WDR70: variants seen among roughly 807,000 people sequenced by gnomAD.
WDR70 encodes the protein WD repeat-containing protein 70.
WDR70 carries 53 observed loss-of-function variants against 88.6 expected under a neutral mutation model. That is an observed-to-expected ratio of 0.60 (90% CI 0.48 to 0.75). The LOEUF (loss-of-function observed/expected upper bound fraction) is 0.75, where lower values mean the gene tolerates loss of function less well. Ranked by LOEUF, WDR70 falls within the 30% of genes least tolerant of loss-of-function variation. WDR70 has a pLI of 0.00. For missense variants in WDR70, 610 were observed against 823.2 expected, an observed-to-expected ratio of 0.74 and a Z score of 3.17; for synonymous variants, 280 against 270.0, an observed-to-expected ratio of 1.04 and a Z score of -0.36.
chr5:37,626,178 T>C (rs1369715170), intron 10 of WDR70, among the ~76,000 whole-genome samples: 1 of 152,148 alleles, frequency 6.6e-6, no homozygotes, highest in Non-Finnish European at 1.5e-5. Context: ...AATACTGAGA[T>C]TGGGAGTCTT....
chr5:37,526,058 G>A (rs1017098958), intron 9 of WDR70, among the ~76,000 whole-genome samples: 3 of 152,158 alleles, frequency 2.0e-5, no homozygotes, highest in East Asian at 3.8e-4. Context: ...AGAGGTACAA[G>A]GAGGAGCTGG....
intron 5 of WDR70, among the ~76,000 whole-genome samples, chr5:37,428,021 T>TC (rs397816960): frequency 2.6e-5 from 4 of 151,438 alleles, no homozygotes; most frequent in East Asian, 1.9e-4. Context: ...TTTTTTTTTT[T>TC]CCCTGCTGTC....
chr5:37,649,352 G>GT (rs1166072131), intron 10 of WDR70, among the ~76,000 whole-genome samples: 1 of 151,484 alleles, frequency 6.6e-6, no homozygotes, highest in Non-Finnish European at 1.5e-5. Context: ...CATTGTGCCT[G>GT]TTTTTATTTA....
At chr5:37,592,957 C>G (rs752487515) in intron 9 of WDR70, among the ~76,000 whole-genome samples, 4 of 152,196 alleles carry the variant, frequency 2.6e-5, no homozygotes, top group Non-Finnish European at 5.9e-5. Context: ...GAGTTCCAGA[C>G]CAGTCTGGGT....
intron 17 of WDR70, among the ~76,000 whole-genome samples, chr5:37,748,285 C>A (rs970263249): frequency 6.6e-6 from 1 of 151,786 alleles, no homozygotes; most frequent in Non-Finnish European, 1.5e-5. Context: ...ACCAATGAAG[C>A]AGAACAGAGT....
chr5:37,549,878 T>C (rs1177181511), intron 9 of WDR70, among the ~76,000 whole-genome samples: 1 of 152,054 alleles, frequency 6.6e-6, no homozygotes, highest in Non-Finnish European at 1.5e-5. Context: ...CTTTTTTTTT[T>C]TTGAGACAGA....
intron 10 of WDR70, among the ~76,000 whole-genome samples, chr5:37,684,732 A>G (rs1054939856): frequency 1.3e-5 from 2 of 152,202 alleles, no homozygotes; most frequent in Non-Finnish European, 2.9e-5. Flanking sequence ...GGGTGGTGTC[A>G]GCAAAAGCAT....
intron 13 of WDR70, among the ~76,000 whole-genome samples, chr5:37,708,787 G>GA (rs1224758214): frequency 6.6e-6 from 1 of 152,164 alleles, no homozygotes; most frequent in Non-Finnish European, 1.5e-5. Flanking sequence ...CAAGTCCTCA[G>GA]AAATGGCTTT....
chr5:37,554,412 G>C (rs975943080), intron 9 of WDR70, among the ~76,000 whole-genome samples: 1 of 152,088 alleles, frequency 6.6e-6, no homozygotes, highest in Non-Finnish European at 1.5e-5. Context: ...GGAAGATGTT[G>C]CTTGGATGAT....
At chr5:37,546,612 T>C (rs992725118) in intron 9 of WDR70, among the ~76,000 whole-genome samples, 11 of 152,146 alleles carry the variant, frequency 7.2e-5, no homozygotes, top group Admixed American at 7.2e-4. Context: ...TCAATTTGAT[T>C]TTAAAATATT....
At position 37,437,960 on chromosome 5, in the gene WDR70, G is replaced by A. The variant is rs778142368; in HGVS notation, c.531G>A (p.Thr177=). ...VHKIPDSHEI[T]LKHGTKTVSA... Reference sequence around the variant, plus strand: ...AGATTCCTGACTCGCATGAGATAACGCTGAAGCATGGCACTAAAACAGTAA... The same window carrying A: ...AGATTCCTGACTCGCATGAGATAACACTGAAGCATGGCACTAAAACAGTAA... The change falls in exon 6 of 18, where the codon ACG becomes ACA. Residue 177 remains threonine, a synonymous_variant. Coordinates refer to ENST00000265107, the MANE Select transcript of WDR70 (RefSeq NM_018034.4). 1.1e-5 allele frequency: 17 copies of A among 1,610,644 alleles called. No homozygotes were observed. Among genetic ancestry groups the A allele is most frequent in the Non-Finnish European group, 1.3e-5 (15 of 1,178,404 alleles).
chr5:37,506,446 T>A, intron 8 of WDR70: 1 of 767,284 alleles, frequency 1.3e-6, no homozygotes, highest in East Asian at 2.4e-5. Flanking sequence ...CTTTGGTCAA[T>A]TAAGAAGGCT....
chr5:37,548,691 G>A (rs556903012), intron 9 of WDR70, among the ~76,000 whole-genome samples: 1 of 152,184 alleles, frequency 6.6e-6, no homozygotes, highest in African/African-American at 2.4e-5. Context: ...CTGTGCTTGT[G>A]GGGTATTACT....
At chr5:37,423,189 C>T (rs1195375995) in intron 5 of WDR70, among the ~76,000 whole-genome samples, 9 of 152,050 alleles carry the variant, frequency 5.9e-5, no homozygotes, top group East Asian at 3.9e-4. Context: ...ACCTCTTTCA[C>T]TTTTATAATT....
At chr5:37,609,746 CA>C (rs1744133325) in intron 10 of WDR70, among the ~76,000 whole-genome samples, 1 of 152,200 alleles carries the variant, frequency 6.6e-6, no homozygotes. Flanking sequence ...AAGAAAGCCG[CA>C]AGATTTCCCC....
intron 8 of WDR70, among the ~76,000 whole-genome samples, chr5:37,488,619 G>A (rs140350179): frequency 1.4e-3 from 214 of 147,800 alleles, no homozygotes; most frequent in Middle Eastern, 0.01. Flanking sequence ...TTTTTATTTC[G>A]TTTATTGAAT....
rs374704791 is a variant in WDR70, at chr5:37,642,988, C to A, written c.1092+37750C>A. ...TTCTTTGCTTTGCAGAAGATTTTTA[C>A]CTTCATAAGATCTCATTTATCTATT... On this transcript the variant is annotated intron_variant, in intron 10 of 17. Coordinates refer to ENST00000265107, the MANE Select transcript of WDR70 (RefSeq NM_018034.4). Among the ~76,000 whole-genome samples the A allele has an allele frequency of 1.9e-3, 293 of 151,922 alleles. 1 individual carries two copies. The highest frequency in any genetic ancestry group is 6.8e-3 in the African/African-American group (284 of 41,460).
chr5:37,422,455 C>T (rs1378226738), intron 5 of WDR70, among the ~76,000 whole-genome samples: 1 of 151,642 alleles, frequency 6.6e-6, no homozygotes, highest in African/African-American at 2.4e-5. Context: ...CTATGCCTGG[C>T]TAATTTTTTT....
At chr5:37,471,839 A>G (rs1739334327) in intron 7 of WDR70, among the ~76,000 whole-genome samples, 1 of 152,016 alleles carries the variant, frequency 6.6e-6, no homozygotes, top group African/African-American at 2.4e-5. Flanking sequence ...TTGACTCCGC[A>G]TCATTCATTG....
Sources: gnomAD v4.1 joint callset for allele counts (sites outside exome capture counted in the v4.1 genomes callset) on GRCh38, gnomAD v4.1.1 for gene constraint, MANE v1.5 for transcripts, NCBI Gene and HGNC (gene_info 2026-07-23, HGNC 2026-07-21) for gene names.